DIPK1A: variants seen among roughly 807,000 people sequenced by gnomAD.
The protein encoded by DIPK1A is family with sequence similarity 69 member A.
A neutral mutation model predicts 40.8 loss-of-function variants in DIPK1A; 27 were observed. The observed-to-expected ratio is 0.66, with a 90% CI of 0.49 to 0.91. The LOEUF (loss-of-function observed/expected upper bound fraction) is 0.91, where lower values mean the gene tolerates loss of function less well. DIPK1A is among the 40% of genes least tolerant of loss of function. The pLI is 0.00. For synonymous variants in DIPK1A, 166 were observed against 171.3 expected (o/e 0.97, Z 0.24); for missense variants, 412 against 505.7 (o/e 0.81, Z 1.78).
At chr1:92,849,848 G>A (rs1406507177) in intron 3 of DIPK1A, among the ~76,000 whole-genome samples, 4 of 152,054 alleles carry the variant, frequency 2.6e-5, no homozygotes, top group East Asian at 1.9e-4. Context: ...TAGAGACAGG[G>A]TTTTGCTATG....
chr1:92,833,339 T>C lies in DIPK1A; in HGVS notation c.475-305A>G. ...TTACATGGTTAATTTATGTCAAAAGTATCATAGGCTAAGACATCAAAGTTT... is the reference window on the plus strand; with the variant it reads ...TTACATGGTTAATTTATGTCAAAAGCATCATAGGCTAAGACATCAAAGTTT... On this transcript the variant is annotated intron_variant, in intron 4 of 4. Transcript: ENST00000615519. The C allele has an allele frequency of 2.1e-6, 3 of 1,414,186 alleles. No individual in the cohort carries two copies. The East Asian group carries it at 6.8e-5, about 32-fold the overall frequency. The allele number at this position is 1,414,186 out of a possible 1,614,324, so 87.6% of individuals were successfully genotyped here. A position where few individuals can be genotyped will look rare whatever the true frequency, so the allele number is the denominator to read the frequency against.
intron 1 of DIPK1A, among the ~76,000 whole-genome samples, chr1:92,949,295 AC>A (rs1337279130): frequency 6.6e-6 from 1 of 150,550 alleles, no homozygotes; most frequent in Non-Finnish European, 1.5e-5. Context: ...TTTTTTTGAG[AC>A]AGAGTTTCGC....
intron 1 of DIPK1A, among the ~76,000 whole-genome samples, chr1:92,907,940 C>T (rs1210484110): frequency 2.0e-5 from 3 of 152,164 alleles, no homozygotes; most frequent in Non-Finnish European, 4.4e-5. Flanking sequence ...GATCCCAGTT[C>T]ACTGCAAACT....
At chr1:92,953,270 G>A (rs1345539691) in intron 1 of DIPK1A, among the ~76,000 whole-genome samples, 3 of 151,590 alleles carry the variant, frequency 2.0e-5, no homozygotes, top group Non-Finnish European at 4.4e-5. Context: ...AAGTGCAGAC[G>A]GGGATGTGGA....
chr1:92,942,788 C>T (rs1183539163), intron 1 of DIPK1A, among the ~76,000 whole-genome samples: 2 of 152,110 alleles, frequency 1.3e-5, no homozygotes, highest in African/African-American at 2.4e-5. Flanking sequence ...CTCAGACTCC[C>T]GAGTAGCTGG....
chr1:92,893,817 G>C (rs1421875099), intron 1 of DIPK1A, among the ~76,000 whole-genome samples: 6 of 151,776 alleles, frequency 4.0e-5, no homozygotes, highest in African/African-American at 1.2e-4. Context: ...GATCTACCAA[G>C]CAAATGGAAA....
At chr1:92,921,455 G>A (rs954915639) in intron 1 of DIPK1A, among the ~76,000 whole-genome samples, 3 of 152,184 alleles carry the variant, frequency 2.0e-5, no homozygotes, top group Non-Finnish European at 2.9e-5. Context: ...TAAGTATAAG[G>A]TAGCATATAT....
At chr1:92,955,920 T>C (rs1651835140) in intron 1 of DIPK1A, among the ~76,000 whole-genome samples, 1 of 151,170 alleles carries the variant, frequency 6.6e-6, no homozygotes, top group African/African-American at 2.4e-5. Flanking sequence ...GATGTGCCTG[T>C]AGCTACTCAG....
chr1:92,840,903 A>C, downstream of DIPK1A: 1 of 578,184 alleles, frequency 1.7e-6, no homozygotes, highest in Non-Finnish European at 3.3e-6. Context: ...CTTTTTGTTG[A>C]TCTTTCATGT....
chr1:92,853,569 G>A (rs906716379), intron 2 of DIPK1A, among the ~76,000 whole-genome samples: 4 of 152,180 alleles, frequency 2.6e-5, no homozygotes, highest in African/African-American at 9.7e-5. Flanking sequence ...CATCTGTGAA[G>A]GGGATGTTAA....
intron 4 of DIPK1A, chr1:92,836,672 A>T (rs1360029787): frequency 2.5e-6 from 1 of 398,252 alleles, no homozygotes; most frequent in Non-Finnish European, 4.7e-6. Flanking sequence ...CTTAATTCTT[A>T]TTAGAAATGA....
Position 92,959,902 on chromosome 1 carries a change from A to ATT in DIPK1A, c.54+1473_54+1474insAA, listed in dbSNP as rs1557502636. On this transcript the variant is annotated intron_variant, in intron 1 of 4. Coordinates refer to ENST00000370310, the MANE Select transcript of DIPK1A (RefSeq NM_001006605.5). ...AGCTGGGACCACAGGCACCCAACCA[A>ATT]CTTTTTTTTTTTTTTTTTTTTTTTT... Among the ~76,000 whole-genome samples the ATT allele has an allele frequency of 9.7e-4, 42 of 43,082 alleles. 2 individuals carry two copies. The highest frequency in any genetic ancestry group is 1.6e-3 in the Admixed American group (6 of 3,748). 28.3% of individuals were successfully genotyped at this position (43,082 alleles called of 152,430 possible).
chr1:92,842,550 C>CTGT lies in DIPK1A; in HGVS notation c.*830_*832dup, dbSNP rs1442615631. 1 of 984,818 alleles carries CTGT rather than the reference C, an allele frequency of 1.0e-6. No individual in the cohort carries two copies. The highest frequency in any genetic ancestry group is 1.7e-5 in the African/African-American group (1 of 57,202). 61.0% of individuals were successfully genotyped at this position (984,818 alleles called of 1,614,324 possible). A position where few individuals can be genotyped will look rare whatever the true frequency, so the allele number is the denominator to read the frequency against. The stretch of plus-strand genomic sequence containing the variant: ...ATAGCCCTTTGGCCCACAGGATATA[C>CTGT]TGTTTGAAAATGGAAAGTTATTACT... On this transcript the variant is annotated 3_prime_UTR_variant, in exon 5 of 5. Coordinates refer to ENST00000370310, the MANE Select transcript of DIPK1A (RefSeq NM_001006605.5).
At chr1:92,832,984 C>A (rs752021416) in exon 5 of DIPK1A, 1 of 731,626 alleles carries the variant, frequency 1.4e-6, no homozygotes, top group South Asian at 1.4e-5. Context: ...TCACTGATTG[C>A]TGTCTGGAGC....
chr1:92,922,055 C>A (rs1212188116), intron 1 of DIPK1A, among the ~76,000 whole-genome samples: 1 of 152,040 alleles, frequency 6.6e-6, no homozygotes, highest in Non-Finnish European at 1.5e-5. Context: ...TTCCTTTTTA[C>A]ATTGTTTAAG....
intron 3 of DIPK1A, among the ~76,000 whole-genome samples, chr1:92,848,987 A>G: frequency 6.6e-6 from 1 of 152,252 alleles, no homozygotes; most frequent in East Asian, 1.9e-4. Flanking sequence ...CTACTGTTTT[A>G]TTCTTATTTC....
intron 1 of DIPK1A, among the ~76,000 whole-genome samples, chr1:92,908,456 A>G (rs1162013152): frequency 6.6e-6 from 1 of 152,222 alleles, no homozygotes; most frequent in East Asian, 1.9e-4. Flanking sequence ...AGAGTGGTCA[A>G]TGGTGTCAAA....
chr1:92,874,123 A>C (rs114237699), intron 2 of DIPK1A, among the ~76,000 whole-genome samples: 1,837 of 152,286 alleles, frequency 0.012, 42 homozygotes, highest in African/African-American at 0.041. Flanking sequence ...ATAACCATTA[A>C]ATTATGCTAG....
chr1:92,917,051 G>A (rs958009726), intron 1 of DIPK1A, among the ~76,000 whole-genome samples: 1 of 152,086 alleles, frequency 6.6e-6, no homozygotes, highest in African/African-American at 2.4e-5. Context: ...ATATAATTGT[G>A]TATTCTTTTC....
Sources: gnomAD v4.1 joint callset for allele counts (sites outside exome capture counted in the v4.1 genomes callset) on GRCh38, gnomAD v4.1.1 for gene constraint, MANE v1.5 for transcripts, NCBI Gene and HGNC (gene_info 2026-07-23, HGNC 2026-07-21) for gene names.